The following INSL6 variants were observed in gnomAD, a reference collection of about 807,000 sequenced individuals.
INSL6 encodes insulin-like peptide INSL6.
INSL6 carries 16 observed loss-of-function variants against 9.4 expected under a neutral mutation model. The ratio of observed to expected loss-of-function variants is 1.70; its 90% CI spans 1.15 to 2.59. The LOEUF (loss-of-function observed/expected upper bound fraction) is 2.59, where lower values mean the gene tolerates loss of function less well. Ranked by LOEUF, INSL6 falls within the 30% of genes most tolerant of loss-of-function variation. The probability of loss-of-function intolerance (pLI) is 0.00; values close to 1 mark genes in which losing one functional copy is unlikely to be tolerated. For synonymous variants in INSL6, 154 were observed against 96.9 expected (o/e 1.59, Z -3.46); for missense variants, 391 against 257.3 (o/e 1.52, Z -3.56).
the INSL6 span, chr9:5,065,046 T>C: frequency 1.3e-6 from 2 of 1,533,512 alleles, no homozygotes; most frequent in Non-Finnish European, 1.8e-6. Flanking sequence ...ATTTCGTGAG[T>C]AATACAGACT....
chr9:5,003,732 A>G, the INSL6 span, among the ~76,000 whole-genome samples: 2 of 152,024 alleles, frequency 1.3e-5, no homozygotes, highest in Non-Finnish European at 2.9e-5. Flanking sequence ...CACAATGTCC[A>G]CTATGGTATT....
the INSL6 span, chr9:5,077,454 T>C: frequency 8.3e-6 from 9 of 1,089,472 alleles, no homozygotes; most frequent in Non-Finnish European, 1.1e-5. Context: ...TTAATGCAGA[T>C]ATTCTGGTTC....
downstream of INSL6, among the ~76,000 whole-genome samples, chr9:5,161,051 T>C (rs762916572): frequency 1.3e-5 from 2 of 152,092 alleles, no homozygotes; most frequent in South Asian, 2.1e-4. Flanking sequence ...ATCCAAAAAG[T>C]AGACGTGGAG....
chr9:5,126,608 G>A, intron 3 of INSL6: 1 of 1,101,306 alleles, frequency 9.1e-7, no homozygotes, highest in Non-Finnish European at 1.3e-6. Flanking sequence ...GCCCTGTATT[G>A]AAAATTAATG....
the INSL6 span, among the ~76,000 whole-genome samples, chr9:5,106,429 A>C: frequency 6.6e-6 from 1 of 152,236 alleles, no homozygotes; most frequent in Non-Finnish European, 1.5e-5. Flanking sequence ...CGAAATAGGA[A>C]CACTTTCACA....
chr9:5,033,509 A>G, the INSL6 span, among the ~76,000 whole-genome samples: 1 of 152,244 alleles, frequency 6.6e-6, no homozygotes, highest in Non-Finnish European at 1.5e-5. Context: ...GGTAACCCAC[A>G]AAGGGAAGCC....
At chr9:5,060,685 C>A in the INSL6 span, among the ~76,000 whole-genome samples, 683 of 152,322 alleles carry the variant, frequency 4.5e-3, 1 homozygote, top group Non-Finnish European at 7.9e-3. Flanking sequence ...CCCTCAAAGT[C>A]ATCCATGAGG....
the INSL6 span, chr9:5,086,114 C>G: frequency 1.8e-3 from 804 of 455,382 alleles, 12 homozygotes; most frequent in Admixed American, 0.015. Context: ...GCGCGGGCAT[C>G]GGCAGCGGCG....
chr9:5,050,718 AG>A, the INSL6 span: 4 of 1,613,750 alleles, frequency 2.5e-6, no homozygotes, highest in Non-Finnish European at 3.4e-6. Context: ...GATGGATAAA[AG>A]TACCTGTGAC....
chr9:5,145,864 A>G (rs1246006960), intron 2 of INSL6, among the ~76,000 whole-genome samples: 2 of 152,070 alleles, frequency 1.3e-5, no homozygotes, highest in Non-Finnish European at 2.9e-5. Flanking sequence ...TATGATTTTT[A>G]GCTTCCTTGC....
At chr9:5,137,963 C>A (rs1384955240) in intron 2 of INSL6, among the ~76,000 whole-genome samples, 3 of 133,702 alleles carry the variant, frequency 2.2e-5, no homozygotes, top group African/African-American at 6.0e-5. Flanking sequence ...TTTATGTGGC[C>A]AAAAAACATA....
the INSL6 span, chr9:5,111,335 C>A: frequency 2.3e-6 from 1 of 430,508 alleles, no homozygotes; most frequent in Admixed American, 3.2e-5. Flanking sequence ...CCCCCTCAGG[C>A]ATGAAGGGGA....
chr9:5,061,007 G>A, the INSL6 span, among the ~76,000 whole-genome samples: 415 of 152,300 alleles, frequency 2.7e-3, 1 homozygote, highest in Non-Finnish European at 3.9e-3. Context: ...GACCAGGTGC[G>A]TTGTCAATGA....
intron 1 of INSL6, among the ~76,000 whole-genome samples, chr9:5,168,629 G>A (rs545269586): frequency 6.6e-6 from 1 of 151,928 alleles, no homozygotes; most frequent in Non-Finnish European, 1.5e-5. Context: ...ACAAGACGGG[G>A]AGAACAGAAA....
the INSL6 span, among the ~76,000 whole-genome samples, chr9:5,104,838 G>T: frequency 6.6e-6 from 1 of 152,124 alleles, no homozygotes; most frequent in African/African-American, 2.4e-5. Flanking sequence ...TGCACAAAAG[G>T]TCTTTGACAA....
At chr9:5,068,035 C>T in the INSL6 span, among the ~76,000 whole-genome samples, 2 of 151,940 alleles carry the variant, frequency 1.3e-5, no homozygotes, top group South Asian at 2.1e-4. Flanking sequence ...TGGTGCGCAC[C>T]TGTAGTCCCA....
At chr9:5,151,712 T>C (rs1043005998) in intron 2 of INSL6, among the ~76,000 whole-genome samples, 1 of 151,676 alleles carries the variant, frequency 6.6e-6, no homozygotes, top group African/African-American at 2.4e-5. Context: ...TTCAACCCAA[T>C]AGAATGCAAA....
chr9:5,142,688 C>CT (rs1824526093), intron 2 of INSL6, among the ~76,000 whole-genome samples: 2 of 150,724 alleles, frequency 1.3e-5, no homozygotes, highest in South Asian at 4.2e-4. Context: ...TTTGAATACT[C>CT]TTTCTTTTTC....
intron 1 of INSL6, among the ~76,000 whole-genome samples, chr9:5,175,578 T>G (rs1167351367): frequency 6.6e-6 from 1 of 152,202 alleles, no homozygotes; most frequent in African/African-American, 2.4e-5. Context: ...CCAGGCCACA[T>G]GGCAGGAGGT....
Sources: gnomAD v4.1 joint callset for allele counts (sites outside exome capture counted in the v4.1 genomes callset) on GRCh38, gnomAD v4.1.1 for gene constraint, MANE v1.5 for transcripts, NCBI Gene and HGNC (gene_info 2026-07-23, HGNC 2026-07-21) for gene names.